NGEF: variants seen among roughly 807,000 people sequenced by gnomAD.
NGEF encodes the protein neuronal guanine nucleotide exchange factor.
NGEF carries 31 observed loss-of-function variants against 80.9 expected under a neutral mutation model. The ratio of observed to expected loss-of-function variants is 0.38; its 90% CI spans 0.29 to 0.52. The LOEUF is 0.52. Ranked by LOEUF, NGEF falls within the 20% of genes least tolerant of loss-of-function variation. The pLI, the probability that NGEF is intolerant of heterozygous loss-of-function variation, is 0.84. For synonymous variants in NGEF, 371 were observed against 370.2 expected, an observed-to-expected ratio of 1.00 and a Z score of -0.03; for missense variants, 709 against 926.2, an observed-to-expected ratio of 0.77 and a Z score of 3.04.
At chr2:232,890,663 T>C (rs1261075842) in intron 8 of NGEF, among the ~76,000 whole-genome samples, 1 of 151,910 alleles carries the variant, frequency 6.6e-6, no homozygotes, top group East Asian at 1.9e-4. Flanking sequence ...AGTCCTTCTC[T>C]CAGCAAGTCA....
intron 5 of NGEF, among the ~76,000 whole-genome samples, chr2:232,896,800 G>T (rs557117189): frequency 2.0e-4 from 20 of 102,050 alleles, no homozygotes; most frequent in Non-Finnish European, 3.2e-4. Context: ...GAGGGTGAAG[G>T]TAGGGGTGAG....
At chr2:232,889,417 TTC>T (rs1357739249) in intron 8 of NGEF, among the ~76,000 whole-genome samples, 5 of 152,150 alleles carry the variant, frequency 3.3e-5, no homozygotes, top group Non-Finnish European at 7.4e-5. Flanking sequence ...CGCCACCCCT[TTC>T]TCTGAGCCCT....
At chr2:232,953,635 G>A (rs1336921633) in intron 3 of NGEF, among the ~76,000 whole-genome samples, 1 of 152,098 alleles carries the variant, frequency 6.6e-6, no homozygotes, top group Non-Finnish European at 1.5e-5. Flanking sequence ...GATCTGCCCA[G>A]AGCCGGGGTC....
At chr2:232,884,252 G>A (rs376543654) in intron 10 of NGEF, 108 bp from the exon 11 acceptor site, 54 of 1,262,632 alleles carry the variant, frequency 4.3e-5, no homozygotes, top group South Asian at 4.0e-4. Context: ...CCAGGGCCCC[G>A]ACACATGAGG....
chr2:232,985,188 T>C (rs1378885435), intron 1 of NGEF, among the ~76,000 whole-genome samples: 2 of 152,224 alleles, frequency 1.3e-5, no homozygotes, highest in South Asian at 2.1e-4. Context: ...TTGTTTTATA[T>C]TGTCGGAAGA....
At chr2:232,889,749 TCTC>T (rs778189689) in intron 8 of NGEF, among the ~76,000 whole-genome samples, 1 of 152,138 alleles carries the variant, frequency 6.6e-6, no homozygotes, top group Non-Finnish European at 1.5e-5. Flanking sequence ...GCCAGGGGCT[TCTC>T]CTGACAACTG....
chr2:232,883,262 C>G (rs1184985748), intron 12 of NGEF, 49 bp downstream of exon 12: 9 of 1,539,818 alleles, frequency 5.8e-6, no homozygotes, highest in Middle Eastern at 2.0e-4. Flanking sequence ...CGAGGCCACA[C>G]AGAAAGGTGC....
rs1692914947 is a variant in NGEF, at chr2:232,920,434, C to T, written c.678G>A (p.Glu226=). The T allele has an allele frequency of 1.2e-6, 2 of 1,609,214 alleles. No individual in the cohort carries two copies. The highest frequency in any genetic ancestry group is 2.2e-5 in the South Asian group (2 of 90,472). The change falls in exon 5 of 15, where the codon GAG becomes GAA. Residue 226 remains glutamate (E), a synonymous_variant. Transcript: ENST00000264051. ...EEEEEEEEEE[E]PASPPERKTL... ...TCTTCCTCTCTGGTGGGCTGGCCGG[C>T]TCCTCCTCCTCCTCCTCTTCTTCTT...
chr2:232,910,772 C>G (rs1165361547), intron 5 of NGEF, among the ~76,000 whole-genome samples: 13 of 152,218 alleles, frequency 8.5e-5, no homozygotes. Flanking sequence ...GTGTGTATTA[C>G]TTTCTTGCCT....
Position 232,879,412 on chromosome 2 carries a change from T to C in NGEF, c.*77A>G. On this transcript the variant is annotated 3_prime_UTR_variant, in exon 15 of 15. Transcript: ENST00000264051. ...CACCTGGGGAGGTGCTGGCCTGTGC[T>C]TCCCAGAGCCCCCCCCCCCCCACCT... 2.8e-6 allele frequency: 4 copies of C among 1,404,572 alleles called. No individual in the cohort carries two copies. Among genetic ancestry groups the C allele is most frequent in the Non-Finnish European group, 3.8e-6 (4 of 1,051,722 alleles). 87.0% of individuals were successfully genotyped at this position (1,404,572 alleles called of 1,614,324 possible).
chr2:232,961,283 G>T (rs780043148), intron 3 of NGEF, among the ~76,000 whole-genome samples: 1 of 151,954 alleles, frequency 6.6e-6, no homozygotes. Flanking sequence ...AGTCCCTTTC[G>T]GCATTCTCTT....
At chr2:232,984,279 G>T (rs1243424848) in intron 1 of NGEF, among the ~76,000 whole-genome samples, 1 of 151,282 alleles carries the variant, frequency 6.6e-6, no homozygotes, top group Admixed American at 6.6e-5. Flanking sequence ...TTTTGTAGGG[G>T]TGGATGTCTT....
chr2:233,009,601 T>G (rs1559247206), intron 1 of NGEF, among the ~76,000 whole-genome samples: 1 of 150,432 alleles, frequency 6.6e-6, no homozygotes, highest in Admixed American at 6.6e-5. Context: ...GAGTTTGGGA[T>G]GAGCCTGGGC....
chr2:233,012,192 G>A (rs1041202209), intron 1 of NGEF, among the ~76,000 whole-genome samples: 1 of 152,204 alleles, frequency 6.6e-6, no homozygotes, highest in Non-Finnish European at 1.5e-5. Context: ...TTCCCAAAAA[G>A]CAGAAATACA....
chr2:232,958,736 CAT>C (rs1248177882), intron 3 of NGEF, among the ~76,000 whole-genome samples: 7 of 152,114 alleles, frequency 4.6e-5, no homozygotes, highest in African/African-American at 9.7e-5. Flanking sequence ...AAAAAATAAA[CAT>C]ATTAAAAATT....
At chr2:232,888,567 ACACG>A (rs1369849291) in intron 8 of NGEF, among the ~76,000 whole-genome samples, 8 of 152,090 alleles carry the variant, frequency 5.3e-5, no homozygotes, top group Non-Finnish European at 1.2e-4. Context: ...CTGCACACAC[ACACG>A]CATGCACGCA....
At chr2:232,957,714 G>T (rs554114324) in intron 3 of NGEF, among the ~76,000 whole-genome samples, 49 of 152,330 alleles carry the variant, frequency 3.2e-4, no homozygotes, top group Admixed American at 7.8e-4. Flanking sequence ...TCACATGCAA[G>T]TTTCTGCACC....
At chr2:232,952,983 A>C (rs947440468) in intron 3 of NGEF, among the ~76,000 whole-genome samples, 16 of 96,348 alleles carry the variant, frequency 1.7e-4, no homozygotes, top group South Asian at 3.4e-4. Flanking sequence ...AAAAAAAAAA[A>C]AAAAAAAAAA....
chr2:232,917,820 C>A (rs184111796), intron 5 of NGEF, among the ~76,000 whole-genome samples: 2,122 of 152,220 alleles, frequency 0.014, 64 homozygotes, highest in Middle Eastern at 0.014. Context: ...GTCACCCAGG[C>A]CGGAGGGCAG....
Sources: allele counts gnomAD v4.1 joint callset (sites outside exome capture counted in the v4.1 genomes callset), GRCh38; gene constraint gnomAD v4.1.1; transcripts MANE v1.5; gene names NCBI Gene and HGNC (gene_info 2026-07-23, HGNC 2026-07-21).